Variants in ASTN2 observed in about 807,000 individuals in gnomAD.
ASTN2 encodes astrotactin 2.
Under a neutral mutation model 139.8 loss-of-function variants are expected in ASTN2, and 54 were observed. That is an observed-to-expected ratio of 0.39 (90% CI 0.31 to 0.48). The LOEUF is 0.48. Ranked by LOEUF, ASTN2 falls within the 20% of genes least tolerant of loss-of-function variation. The probability of loss-of-function intolerance (pLI) is 0.95; values close to 1 mark genes in which losing one functional copy is unlikely to be tolerated. For missense variants in ASTN2, 1,565 were observed against 1,725.1 expected, an observed-to-expected ratio of 0.91 and a Z score of 1.64; for synonymous variants, 756 against 719.5, an observed-to-expected ratio of 1.05 and a Z score of -0.81.
chr9:116,591,445 A>G (rs1854375497), intron 19 of ASTN2, among the ~76,000 whole-genome samples: 2 of 152,236 alleles, frequency 1.3e-5, no homozygotes, highest in East Asian at 1.9e-4. Flanking sequence ...CTTGGCAGGC[A>G]TGGGATCCAG....
intron 19 of ASTN2, among the ~76,000 whole-genome samples, chr9:116,617,715 G>A (rs1855923993): frequency 6.6e-6 from 1 of 152,192 alleles, no homozygotes; most frequent in South Asian, 2.1e-4. Flanking sequence ...TTGCTGAATG[G>A]AAGTCTCAAC....
chr9:116,795,565 A>G (rs1830668025), intron 13 of ASTN2, among the ~76,000 whole-genome samples: 1 of 152,204 alleles, frequency 6.6e-6, no homozygotes, highest in African/African-American at 2.4e-5. Context: ...TCACCCCCAG[A>G]GCATGAAGGG....
chr9:117,272,761 T>A (rs1834097164), intron 2 of ASTN2, among the ~76,000 whole-genome samples: 1 of 152,134 alleles, frequency 6.6e-6, no homozygotes, highest in Non-Finnish European at 1.5e-5. Flanking sequence ...TTTGCACCAG[T>A]TCCCAACAAG....
At chr9:116,803,224 T>G (rs370199071) in intron 13 of ASTN2, among the ~76,000 whole-genome samples, 1 of 151,912 alleles carries the variant, frequency 6.6e-6, no homozygotes, top group East Asian at 1.9e-4. Flanking sequence ...ATTAAAATTA[T>G]AGAAAACTAG....
At chr9:117,005,255 T>TC (rs1457190466) in intron 7 of ASTN2, among the ~76,000 whole-genome samples, 6 of 150,766 alleles carry the variant, frequency 4.0e-5, no homozygotes, top group African/African-American at 1.5e-4. Flanking sequence ...CAGCTATTTT[T>TC]TTTTTTTTGT....
intron 22 of ASTN2, 81 bp from the exon 23 acceptor site, chr9:116,426,169 C>T (rs1847304707): frequency 4.5e-6 from 7 of 1,539,202 alleles, no homozygotes; most frequent in Non-Finnish European, 5.3e-6. Flanking sequence ...TGTCAACAAA[C>T]AAATGGTAAC....
intron 10 of ASTN2, among the ~76,000 whole-genome samples, chr9:116,956,828 G>C (rs540525226): frequency 2.0e-5 from 3 of 152,108 alleles, no homozygotes; most frequent in Admixed American, 2.0e-4. Context: ...TTCATTTACT[G>C]TAGCACCAAA....
intron 11 of ASTN2, among the ~76,000 whole-genome samples, chr9:116,822,754 G>A (rs1296747398): frequency 1.3e-5 from 2 of 152,156 alleles, no homozygotes; most frequent in African/African-American, 2.4e-5. Flanking sequence ...GAGGTAGAGT[G>A]GTAGGCTGAT....
At chr9:116,434,246 TGCCAAAA>T (rs1847581911) in intron 22 of ASTN2, among the ~76,000 whole-genome samples, 1 of 152,154 alleles carries the variant, frequency 6.6e-6, no homozygotes, top group African/African-American at 2.4e-5. Context: ...ATTTTAGAAA[TGCCAAAA>T]TATACAGAAA....
chr9:117,056,895 A>G (rs1839080014), intron 5 of ASTN2, among the ~76,000 whole-genome samples: 1 of 152,228 alleles, frequency 6.6e-6, no homozygotes, highest in South Asian at 2.1e-4. Context: ...ATCCATTACT[A>G]GTTGAGAATG....
intron 10 of ASTN2, among the ~76,000 whole-genome samples, chr9:116,942,947 T>G (rs367695385): frequency 6.6e-6 from 1 of 152,216 alleles, no homozygotes; most frequent in African/African-American, 2.4e-5. Flanking sequence ...TGTGGTCCCA[T>G]TTCACATCCT....
intron 13 of ASTN2, among the ~76,000 whole-genome samples, chr9:116,781,289 G>T (rs1005183695): frequency 1.3e-5 from 2 of 152,166 alleles, no homozygotes; most frequent in Admixed American, 1.3e-4. Context: ...GAGTGACTAT[G>T]ATAACCAAAA....
intron 19 of ASTN2, among the ~76,000 whole-genome samples, chr9:116,590,299 C>T (rs1854328317): frequency 6.6e-6 from 1 of 152,234 alleles, no homozygotes; most frequent in Non-Finnish European, 1.5e-5. Context: ...ACTGCCTGGC[C>T]TCTCCCCGCT....
chr9:116,811,872 A>G (rs1831176583), intron 12 of ASTN2, among the ~76,000 whole-genome samples: 1 of 152,188 alleles, frequency 6.6e-6, no homozygotes, highest in South Asian at 2.1e-4. Context: ...GCTGGCCTCT[A>G]TCTAGATCCA....
chr9:117,186,328 C>T (rs544341894), intron 3 of ASTN2, among the ~76,000 whole-genome samples: 24 of 151,892 alleles, frequency 1.6e-4, no homozygotes, highest in African/African-American at 5.3e-4. Flanking sequence ...GGGCAGATCA[C>T]GAGGTCAGGA....
chr9:116,756,180 G>T (rs1430165559), intron 13 of ASTN2, among the ~76,000 whole-genome samples: 1 of 152,172 alleles, frequency 6.6e-6, no homozygotes, highest in Non-Finnish European at 1.5e-5. Flanking sequence ...GCAGGCATCA[G>T]ACAGCCACTT....
At chr9:117,021,636 G>A (rs149628653) in intron 6 of ASTN2, among the ~76,000 whole-genome samples, 2 of 152,242 alleles carry the variant, frequency 1.3e-5, no homozygotes, top group East Asian at 3.9e-4. Context: ...GAAATACAGA[G>A]CGAGGCAGCT....
chr9:116,973,186 GGTTT>G (rs1836257525), intron 10 of ASTN2, among the ~76,000 whole-genome samples: 1 of 152,204 alleles, frequency 6.6e-6, no homozygotes, highest in South Asian at 2.1e-4. Context: ...CTATGCCTCA[GGTTT>G]GTTTATTTAT....
intron 10 of ASTN2, among the ~76,000 whole-genome samples, chr9:116,966,049 A>G (rs1431025316): frequency 1.3e-5 from 2 of 152,158 alleles, no homozygotes; most frequent in African/African-American, 4.8e-5. Flanking sequence ...AAACCCAGGT[A>G]TACTAACCCC....
Sources: gnomAD v4.1 joint callset for allele counts (sites outside exome capture counted in the v4.1 genomes callset) on GRCh38, gnomAD v4.1.1 for gene constraint, MANE v1.5 for transcripts, NCBI Gene and HGNC (gene_info 2026-07-23, HGNC 2026-07-21) for gene names.